Variants in MTX2 observed in about 807,000 individuals in gnomAD.
MTX2 encodes metaxin-2.
MTX2 carries 35 observed loss-of-function variants against 42.3 expected under a neutral mutation model. That is an observed-to-expected ratio of 0.83 (90% confidence interval 0.63 to 1.10). MTX2 has a LOEUF of 1.10. Among genes scored for constraint, MTX2 ranks in the 50% least tolerant of loss-of-function variants. MTX2 has a pLI of 0.00. For missense variants in MTX2, 307 were observed against 304.1 expected, an observed-to-expected ratio of 1.01 and a Z score of -0.07; for synonymous variants, 119 against 100.9, an observed-to-expected ratio of 1.18 and a Z score of -1.08.
At chr2:176,275,003 A>G (rs988736063) in intron 1 of MTX2, among the ~76,000 whole-genome samples, 4 of 152,174 alleles carry the variant, frequency 2.6e-5, no homozygotes, top group Non-Finnish European at 5.9e-5. Flanking sequence ...TGGCAAGTGT[A>G]TTCAGTGTAG....
intron 3 of MTX2, among the ~76,000 whole-genome samples, chr2:176,306,846 A>G (rs1278313628): frequency 6.6e-6 from 1 of 152,016 alleles, no homozygotes; most frequent in African/African-American, 2.4e-5. Context: ...ATTTTCTCCC[A>G]TTCTGTAGGT....
intron 1 of MTX2, among the ~76,000 whole-genome samples, chr2:176,286,103 T>G (rs1224668167): frequency 6.6e-6 from 1 of 152,220 alleles, no homozygotes; most frequent in Admixed American, 6.5e-5. Context: ...GGTTTGCATT[T>G]CCCTAATGAC....
At chr2:176,310,726 G>A (rs777569336) in intron 3 of MTX2, among the ~76,000 whole-genome samples, 3 of 152,076 alleles carry the variant, frequency 2.0e-5, no homozygotes, top group African/African-American at 4.8e-5. Flanking sequence ...CGAAGTTCTC[G>A]TGCCATGGTT....
chr2:176,273,870 C>A (rs894379690), intron 1 of MTX2, among the ~76,000 whole-genome samples: 5 of 151,652 alleles, frequency 3.3e-5, no homozygotes, highest in Non-Finnish European at 5.9e-5. Flanking sequence ...CACTGCAAGC[C>A]TCAGTGGGTT....
chr2:176,331,604 A>T (rs1415359435), intron 9 of MTX2, among the ~76,000 whole-genome samples: 1 of 151,216 alleles, frequency 6.6e-6, no homozygotes, highest in Admixed American at 6.6e-5. Context: ...TAATATATAC[A>T]TATATAATTG....
chr2:176,298,076 T>G lies in MTX2; in HGVS notation c.135+181T>G, dbSNP rs528221497. ...TGTGAAGAATAATTTTATTATGTAA[T>G]ATTATTCAGTTAATTGTCAGTATAT... On this transcript the variant is annotated intron_variant, in intron 3 of 9. Transcript: ENST00000249442. 2.6e-5 allele frequency among the ~76,000 whole-genome samples: 4 copies of G among 152,092 alleles called. No homozygotes were observed. The East Asian group carries it at 7.7e-4, about 29-fold the overall frequency.
At chr2:176,303,627 T>C (rs908708919) in intron 3 of MTX2, among the ~76,000 whole-genome samples, 1 of 152,110 alleles carries the variant, frequency 6.6e-6, no homozygotes. Flanking sequence ...AATTGTGAAC[T>C]TAAATTGCAA....
intron 3 of MTX2, 142 bp from the exon 4 acceptor site, chr2:176,323,250 C>T: frequency 1.5e-6 from 1 of 653,020 alleles, no homozygotes; most frequent in African/African-American, 1.8e-5. Flanking sequence ...AAAACAAATC[C>T]TTCACTTTAA....
At chr2:176,281,880 C>T (rs1263073551) in intron 1 of MTX2, among the ~76,000 whole-genome samples, 1 of 152,052 alleles carries the variant, frequency 6.6e-6, no homozygotes, top group East Asian at 1.9e-4. Flanking sequence ...AACATGCATG[C>T]ATATACAAAT....
At chr2:176,318,411 T>G (rs926305176) in intron 3 of MTX2, among the ~76,000 whole-genome samples, 4 of 152,202 alleles carry the variant, frequency 2.6e-5, no homozygotes, top group African/African-American at 4.8e-5. Context: ...CAGGCAATTA[T>G]GTTACGTGTA....
intron 1 of MTX2, among the ~76,000 whole-genome samples, chr2:176,295,762 A>G (rs1683856748): frequency 6.6e-6 from 1 of 152,178 alleles, no homozygotes; most frequent in South Asian, 2.1e-4. Flanking sequence ...GCTTTAGAAC[A>G]TTTTAAATGA....
intron 8 of MTX2, 130 bp downstream of exon 8, chr2:176,329,556 AC>A (rs1373636535): frequency 1.1e-6 from 1 of 945,440 alleles, no homozygotes; most frequent in African/African-American, 1.7e-5. Flanking sequence ...ATTTTCACTA[AC>A]ATGAAGTAAT....
chr2:176,315,578 G>C (rs760252842), intron 3 of MTX2, among the ~76,000 whole-genome samples: 5 of 151,982 alleles, frequency 3.3e-5, no homozygotes, highest in Non-Finnish European at 5.9e-5. Flanking sequence ...TGAAGGGTTC[G>C]GTCAGATTAC....
intron 1 of MTX2, among the ~76,000 whole-genome samples, chr2:176,294,224 A>G (rs553843772): frequency 6.6e-5 from 10 of 151,146 alleles, no homozygotes; most frequent in Non-Finnish European, 1.2e-4. Context: ...TATTACTTTC[A>G]TATTTGTCTT....
rs544403308 is a variant in MTX2 at position 176,269,467 on chromosome 2, C to A, written c.-163C>A. 2 of 743,518 alleles carry A rather than the reference C, an allele frequency of 2.7e-6. No individual in the cohort carries two copies. Among genetic ancestry groups the A allele is most frequent in the Non-Finnish European group, 4.1e-6 (2 of 488,848 alleles). 46.1% of individuals were successfully genotyped at this position (743,518 alleles called of 1,614,324 possible). On this transcript the variant is annotated 5_prime_UTR_variant, in exon 1 of 10. Coordinates refer to ENST00000249442, the MANE Select transcript of MTX2 (RefSeq NM_006554.5). ...GTCCCTAGCCAGGCCTGGCGGTAACCTTGGGGGCCTCACTGCAGCCGCCGC... is the reference window on the plus strand; with the variant it reads ...GTCCCTAGCCAGGCCTGGCGGTAACATTGGGGGCCTCACTGCAGCCGCCGC...
intron 1 of MTX2, among the ~76,000 whole-genome samples, chr2:176,283,623 A>G (rs1384078480): frequency 5.3e-5 from 8 of 152,242 alleles, no homozygotes; most frequent in East Asian, 1.9e-4. Flanking sequence ...ATGAGATAGC[A>G]AAGTATATGT....
At chr2:176,269,729 G>C in intron 1 of MTX2, 60 bp downstream of exon 1, 1 of 1,537,774 alleles carries the variant, frequency 6.5e-7, no homozygotes, top group Non-Finnish European at 8.7e-7. Context: ...GCCGCGTGGG[G>C]TACAGGGCTG....
intron 9 of MTX2, among the ~76,000 whole-genome samples, chr2:176,330,894 C>T (rs547474792): frequency 2.0e-5 from 3 of 151,080 alleles, no homozygotes; most frequent in Non-Finnish European, 3.0e-5. Flanking sequence ...TCATGTAAAT[C>T]AATCATTGTA....
chr2:176,329,619 A>G, intron 8 of MTX2, among the ~76,000 whole-genome samples, 193 bp downstream of exon 8: 1 of 151,224 alleles, frequency 6.6e-6, no homozygotes, highest in East Asian at 1.9e-4. Flanking sequence ...AATGCAATGC[A>G]GATATGTGTA....
Sources: allele counts gnomAD v4.1 joint callset (sites outside exome capture counted in the v4.1 genomes callset), GRCh38; gene constraint gnomAD v4.1.1; transcripts MANE v1.5; gene names NCBI Gene and HGNC (gene_info 2026-07-23, HGNC 2026-07-21).